Variants in MYO10 observed in about 807,000 individuals in gnomAD.
MYO10 encodes myosin X.
Under a neutral mutation model 257.3 loss-of-function variants are expected in MYO10, and 133 were observed. That is an observed-to-expected ratio of 0.52 (90% CI 0.45 to 0.60). MYO10 has a LOEUF of 0.60. Among genes scored for constraint, MYO10 ranks in the 20% least tolerant of loss-of-function variants. The probability of loss-of-function intolerance (pLI) is 0.00; values close to 1 mark genes in which losing one functional copy is unlikely to be tolerated. For missense variants in MYO10, 2,399 were observed against 2,635.7 expected (o/e 0.91, Z 1.97); for synonymous variants, 1,104 against 1,028.6 (o/e 1.07, Z -1.40).
At chr5:16,844,250 ATTAT>A (rs1468489004) in intron 2 of MYO10, among the ~76,000 whole-genome samples, 2 of 152,128 alleles carry the variant, frequency 1.3e-5, no homozygotes, top group Non-Finnish European at 2.9e-5. Flanking sequence ...TCTTTGAATA[ATTAT>A]TTATCGAATT....
In MYO10 at chr5:16,709,863, G is replaced by A. The variant is rs373843562; in HGVS notation, c.2169+1045C>T. Reference sequence around the variant, plus strand: ...TGTTTTGTGTTTATATCTCAAATCCGTCAGCAGTAAAAAATTTCCCTAGAG... The same window carrying A: ...TGTTTTGTGTTTATATCTCAAATCCATCAGCAGTAAAAAATTTCCCTAGAG... On this transcript the variant is annotated intron_variant, in intron 21 of 40. Coordinates refer to ENST00000513610, the MANE Select transcript of MYO10 (RefSeq NM_012334.3). 1.2e-4 allele frequency among the ~76,000 whole-genome samples: 18 copies of A among 151,472 alleles called. No individual in the cohort carries two copies. The South Asian group carries it at 3.8e-3, about 32-fold the overall frequency.
chr5:16,715,693 G>A (rs1050922137), intron 19 of MYO10, among the ~76,000 whole-genome samples: 1 of 151,858 alleles, frequency 6.6e-6, no homozygotes, highest in Non-Finnish European at 1.5e-5. Flanking sequence ...TCACTGAATT[G>A]CAGATTTTAA....
At chr5:16,667,235 C>G (rs1318967479) in intron 40 of MYO10, among the ~76,000 whole-genome samples, 1 of 152,174 alleles carries the variant, frequency 6.6e-6, no homozygotes, top group East Asian at 1.9e-4. Context: ...AACAAGATAA[C>G]TGAGGCCCCA....
rs1486241283 is a variant in MYO10 at position 16,673,700 on chromosome 5, G to C, written c.5154C>G (p.Ser1718=). The part of the protein sequence containing the change: ...GGGSCKITIN[S]HTTAGEVVEK... ...TCCTCACCTCCCCAGCGGTGGTGTG[G>C]GAGTTGATGGTGATCTTGCAGGAGC... The change falls in exon 36 of 41, where the codon TCC becomes TCG. Residue 1718 remains serine, a synonymous_variant. Transcript: ENST00000513610. 1.9e-6 allele frequency: 3 copies of C among 1,613,612 alleles called. No homozygotes were observed. The highest frequency in any genetic ancestry group is 2.5e-6 in the Non-Finnish European group (3 of 1,179,800).
intron 3 of MYO10, among the ~76,000 whole-genome samples, chr5:16,801,728 T>C (rs529936037): frequency 6.6e-6 from 1 of 152,352 alleles, no homozygotes; most frequent in Admixed American, 6.5e-5. Flanking sequence ...CGGCATCTGC[T>C]GTTTTCAAGA....
rs377735849 is a variant in MYO10, at chr5:16,676,167, C to G, written c.4543-13G>C. The G allele has an allele frequency of 2.9e-4, 471 of 1,610,598 alleles. 1 individual carries two copies. The highest frequency in any genetic ancestry group is 3.6e-4 in the Non-Finnish European group (422 of 1,179,092). On this transcript the variant is annotated splice_polypyrimidine_tract_variant and intron_variant, in intron 33 of 40. Coordinates refer to ENST00000513610, the MANE Select transcript of MYO10 (RefSeq NM_012334.3). ...TCAGGCAGTTCTCCTAAAAATAAAG[C>G]AAGCAAGCTTATTGTAAGAAACCTG... is the stretch of plus-strand genomic sequence containing the variant.
At chr5:16,853,145 C>T (rs1011824925) in intron 2 of MYO10, among the ~76,000 whole-genome samples, 1 of 151,974 alleles carries the variant, frequency 6.6e-6, no homozygotes, top group East Asian at 1.9e-4. Flanking sequence ...CTGAGGTGGG[C>T]GGATCACACA....
chr5:16,666,706 C>T lies in MYO10; in HGVS notation c.6163G>A (p.Gly2055Ser). Reference sequence around the variant, plus strand: ...CTGTCCCGCCTTCACCTGGAGCTGCCCTGGCTGCTGGCGGAGCGTGTCGTG... The same window carrying T: ...CTGTCCCGCCTTCACCTGGAGCTGCTCTGGCTGCTGGCGGAGCGTGTCGTG... ...YSTTRSASSQGSSR is the reference protein window; with the variant it reads ...YSTTRSASSQSSSR The change falls in exon 41 of 41, where the codon GGC becomes AGC. Residue 2055 changes from glycine (G) to serine (S), a missense_variant. By Grantham distance (56) the Gly-to-Ser change is moderately conservative. Transcript: ENST00000513610. 6.2e-7 allele frequency: 1 copy of T among 1,603,808 alleles called. No homozygotes were observed. Among genetic ancestry groups the T allele is most frequent in the Non-Finnish European group, 8.5e-7 (1 of 1,176,836 alleles).
intron 19 of MYO10, among the ~76,000 whole-genome samples, chr5:16,735,374 C>T (rs1010749773): frequency 6.6e-6 from 1 of 152,044 alleles, no homozygotes; most frequent in Admixed American, 6.5e-5. Context: ...ACGAGAAAAC[C>T]GTGGGACCAG....
At chr5:16,718,044 G>A (rs1404637355) in intron 19 of MYO10, among the ~76,000 whole-genome samples, 1 of 151,992 alleles carries the variant, frequency 6.6e-6, no homozygotes, top group Non-Finnish European at 1.5e-5. Flanking sequence ...CCCGCACTCG[G>A]AGCAGCCAGC....
At chr5:16,924,881 A>C (rs1165200252) in intron 1 of MYO10, among the ~76,000 whole-genome samples, 1 of 136,040 alleles carries the variant, frequency 7.4e-6, no homozygotes, top group Non-Finnish European at 1.5e-5. Context: ...CCCAGGCTGG[A>C]GTGCAGTGGC....
intron 1 of MYO10, among the ~76,000 whole-genome samples, chr5:16,888,400 A>C (rs1439437341): frequency 6.6e-6 from 1 of 151,930 alleles, no homozygotes; most frequent in Non-Finnish European, 1.5e-5. Flanking sequence ...ACTCAAGACC[A>C]GCCTGACAAA....
chr5:16,675,987 G>A, intron 34 of MYO10, 44 bp downstream of exon 34: 6 of 1,567,698 alleles, frequency 3.8e-6, no homozygotes, highest in Non-Finnish European at 5.2e-6. Context: ...CAGGGCAAGT[G>A]GAATCATGGT....
chr5:16,850,374 A>C (rs909380571), intron 2 of MYO10, among the ~76,000 whole-genome samples: 3 of 151,934 alleles, frequency 2.0e-5, no homozygotes, highest in Admixed American at 6.6e-5. Flanking sequence ...CCTGGGTTCA[A>C]GCGATTGATT....
At chr5:16,678,201 T>C (rs1219686528) in intron 33 of MYO10, among the ~76,000 whole-genome samples, 20 of 152,234 alleles carry the variant, frequency 1.3e-4, no homozygotes, top group Admixed American at 1.3e-3. Flanking sequence ...AAATAAATTT[T>C]TTAAGGCTAA....
At chr5:16,921,201 C>A (rs1332713901) in intron 1 of MYO10, among the ~76,000 whole-genome samples, 1 of 152,072 alleles carries the variant, frequency 6.6e-6, no homozygotes, top group East Asian at 1.9e-4. Context: ...TGGGAGAAGG[C>A]AGCAGATGTA....
intron 9 of MYO10, among the ~76,000 whole-genome samples, chr5:16,773,972 T>C (rs1457894865): frequency 2.0e-5 from 3 of 152,210 alleles, no homozygotes; most frequent in Non-Finnish European, 2.9e-5. Flanking sequence ...AATGCAGACA[T>C]GTATGCTAAA....
At chr5:16,855,431 GA>G (rs1282286916) in intron 2 of MYO10, among the ~76,000 whole-genome samples, 3 of 151,698 alleles carry the variant, frequency 2.0e-5, no homozygotes, top group South Asian at 4.2e-4. Flanking sequence ...TTGGTGGAGG[GA>G]AAAAAAATAA....
intron 3 of MYO10, among the ~76,000 whole-genome samples, chr5:16,804,227 C>T (rs1050980924): frequency 3.3e-5 from 5 of 152,130 alleles, no homozygotes; most frequent in Non-Finnish European, 7.3e-5. Flanking sequence ...AACTCCAGGG[C>T]GACCCACCCA....
Sources: gnomAD v4.1 joint callset for allele counts (sites outside exome capture counted in the v4.1 genomes callset) on GRCh38, gnomAD v4.1.1 for gene constraint, MANE v1.5 for transcripts, NCBI Gene and HGNC (gene_info 2026-07-23, HGNC 2026-07-21) for gene names.